The following CLRN3 variants were observed in gnomAD, a reference collection of about 807,000 sequenced individuals.
The protein encoded by CLRN3 is clarin-3.
CLRN3 carries 12 observed loss-of-function variants against 16.7 expected under a neutral mutation model. The ratio of observed to expected loss-of-function variants is 0.72; its 90% CI spans 0.46 to 1.16. The LOEUF (loss-of-function observed/expected upper bound fraction) is 1.16. CLRN3 is among the 50% of genes most tolerant of loss of function. The pLI, the probability that CLRN3 is intolerant of heterozygous loss-of-function variation, is 0.00. For synonymous variants in CLRN3, 118 were observed against 113.0 expected, an observed-to-expected ratio of 1.04 and a Z score of -0.28; for missense variants, 296 against 274.2, an observed-to-expected ratio of 1.08 and a Z score of -0.56.
Position 127,878,383 on chromosome 10 carries a change from C to T in CLRN3, c.447G>A (p.Ala149=), listed in dbSNP as rs763771914. 1.2e-5 allele frequency: 20 copies of T among 1,613,966 alleles called. No homozygotes were observed. Among genetic ancestry groups the T allele is most frequent in the South Asian group, 6.6e-5 (6 of 91,064 alleles). Reference sequence around the variant, plus strand: ...CGGAGAGTTGGTTGGACTGCGTGTTCGCCACAAACAGTATCATGGTCACAA... The same window carrying T: ...CGGAGAGTTGGTTGGACTGCGTGTTTGCCACAAACAGTATCATGGTCACAA... The part of the protein sequence containing the change: ...FVFVTMILFV[A]NTQSNQLSEE... The change falls in exon 3 of 3, where the codon GCG becomes GCA. Residue 149 remains alanine (A), a synonymous_variant. Transcript: ENST00000368671.
intron 1 of CLRN3, among the ~76,000 whole-genome samples, chr10:127,888,789 A>T (rs2135085331): frequency 6.6e-6 from 1 of 152,292 alleles, no homozygotes; most frequent in South Asian, 2.1e-4. Context: ...ATTTAATTTC[A>T]AGCAGGCCAC....
rs761302368 is a variant in CLRN3 at position 127,878,272 on chromosome 10, G to A, written c.558C>T (p.Leu186=). The A allele has an allele frequency of 1.2e-5, 20 of 1,614,064 alleles. No individual in the cohort carries two copies. In the African/African-American group the frequency reaches 1.3e-4, roughly 11 times the overall value. ...CAGTGACTATATTTAGAAGAATGACGAGCAGTATGAGCCAGAACGAGTATC... is the reference window on the plus strand; with the variant it reads ...CAGTGACTATATTTAGAAGAATGACAAGCAGTATGAGCCAGAACGAGTATC... ...SYGYSFWLIL[L]VILLNIVTVT... is the part of the protein sequence containing the mutation. Residue 186 remains leucine (L), a synonymous_variant, in exon 3 of 3, where the codon CTC becomes CTT. Transcript: ENST00000368671.
Position 127,885,357 on chromosome 10 carries a change from G to A in CLRN3, c.230-1482C>T, listed in dbSNP as rs145167518. ...GCTGAGCCCAAATCTGCATCTCCAC[G>A]ACTTAAACCCAGGGGTCCTAATTCT... On this transcript the variant is annotated intron_variant, in intron 1 of 2. Coordinates refer to ENST00000368671, the MANE Select transcript of CLRN3 (RefSeq NM_152311.5). Among the ~76,000 whole-genome samples, 490 of 152,160 alleles carry A rather than the reference G, an allele frequency of 3.2e-3. 3 individuals carry two copies. The highest frequency in any genetic ancestry group is 7.5e-3 in the Admixed American group (114 of 15,284).
At chr10:127,885,150 C>T (rs889722626) in intron 1 of CLRN3, among the ~76,000 whole-genome samples, 8 of 152,130 alleles carry the variant, frequency 5.3e-5, no homozygotes, top group African/African-American at 1.9e-4. Context: ...GGGTGGTATT[C>T]CCTCAGCATA....
chr10:127,887,713 A>G (rs1054475667), intron 1 of CLRN3, among the ~76,000 whole-genome samples: 2 of 152,350 alleles, frequency 1.3e-5, no homozygotes, highest in South Asian at 2.1e-4. Context: ...AACTTAGACA[A>G]TACAAGCTGA....
intron 1 of CLRN3, among the ~76,000 whole-genome samples, chr10:127,891,139 C>T (rs779409026): frequency 3.3e-5 from 5 of 152,246 alleles, no homozygotes; most frequent in Non-Finnish European, 5.9e-5. Context: ...CTTCAGGGCT[C>T]TCCTTGACAA....
intron 1 of CLRN3, among the ~76,000 whole-genome samples, chr10:127,887,026 C>T (rs1845203121): frequency 6.6e-6 from 1 of 152,170 alleles, no homozygotes; most frequent in African/African-American, 2.4e-5. Flanking sequence ...TTTTTTCCAT[C>T]CCTGACCTCA....
rs1339532192 is a variant in CLRN3 at position 127,883,786 on chromosome 10, T to C, written c.319A>G (p.Ser107Gly). ...LVLSLITSLLSSGFTFYNSIS... is the reference protein window; with the variant it reads ...LVLSLITSLLGSGFTFYNSIS... ...CTGTTGTAGAAGGTAAACCCAGAGC[T>C]CAGCAGCGACGTGATCAAACTCAGG... is the stretch of plus-strand genomic sequence containing the variant. Residue 107 changes from serine to glycine, a missense_variant, in exon 2 of 3, where the codon AGC becomes GGC. Coordinates refer to ENST00000368671, the MANE Select transcript of CLRN3 (RefSeq NM_152311.5). 1 of 1,614,024 alleles carries C rather than the reference T, an allele frequency of 6.2e-7. No homozygotes were observed. The highest frequency in any genetic ancestry group is 8.5e-7 in the Non-Finnish European group (1 of 1,179,966).
At chr10:127,887,143 G>A (rs956480856) in intron 1 of CLRN3, among the ~76,000 whole-genome samples, 1 of 152,230 alleles carries the variant, frequency 6.6e-6, no homozygotes. Flanking sequence ...AATAGAGGGG[G>A]ACACCGGAGG....
At chr10:127,879,595 C>T (rs976641580) in intron 2 of CLRN3, among the ~76,000 whole-genome samples, 1 of 151,714 alleles carries the variant, frequency 6.6e-6, no homozygotes, top group Non-Finnish European at 1.5e-5. Context: ...AGGGCTTTCG[C>T]GGTTGCCTAG....
chr10:127,878,405 AC>A lies in CLRN3; in HGVS notation c.424del (p.Val142Ter), dbSNP rs1333614803. On this transcript the variant is annotated frameshift_variant, in exon 3 of 3. Transcript: ENST00000368671. LOFTEE classifies it low-confidence loss of function (END_TRUNC). ...GTTCGCCACAAACAGTATCATGGTC[AC>A]AAAAACGAAGGATGCTGAAAGGAAG... The part of the protein sequence containing the change: ...WNGLGASFVF[V>X]TMILFVANTQ... The A allele has an allele frequency of 6.2e-7, 1 of 1,613,696 alleles. No individual in the cohort carries two copies. The highest frequency in any genetic ancestry group is 1.7e-5 in the Admixed American group (1 of 60,014).
At chr10:127,880,729 C>T (rs997054148) in intron 2 of CLRN3, among the ~76,000 whole-genome samples, 3 of 152,120 alleles carry the variant, frequency 2.0e-5, no homozygotes, top group African/African-American at 7.2e-5. Context: ...GCAGAACCTG[C>T]TTCTTTCTGT....
At chr10:127,886,323 G>A (rs1039145057) in intron 1 of CLRN3, among the ~76,000 whole-genome samples, 1 of 152,230 alleles carries the variant, frequency 6.6e-6, no homozygotes, top group African/African-American at 2.4e-5. Context: ...GTTCTATGAG[G>A]AAGAAAAGTT....
intron 2 of CLRN3, among the ~76,000 whole-genome samples, chr10:127,879,594 G>A (rs1295638794): frequency 2.6e-5 from 4 of 151,980 alleles, no homozygotes; most frequent in Non-Finnish European, 4.4e-5. Context: ...TAGGGCTTTC[G>A]CGGTTGCCTA....
intron 1 of CLRN3, among the ~76,000 whole-genome samples, chr10:127,886,164 A>G (rs1845191336): frequency 6.6e-6 from 1 of 152,238 alleles, no homozygotes; most frequent in African/African-American, 2.4e-5. Flanking sequence ...TGCTGGGATT[A>G]CAGGCCACCA....
chr10:127,892,537 A>G lies in CLRN3; in HGVS notation c.229+19T>C. 1 of 1,240,704 alleles carries G rather than the reference A, an allele frequency of 8.1e-7. No individual in the cohort carries two copies. The highest frequency in any genetic ancestry group is 1.2e-6 in the Non-Finnish European group (1 of 838,830). The allele number at this position is 1,240,704 out of a possible 1,614,324, so 76.9% of individuals were successfully genotyped here. ...TAATTCAATCTCACTATATTCATTC[A>G]AATTAGTTTATCATTTACCTGCAAA... On this transcript the variant is annotated intron_variant, in intron 1 of 2. Transcript: ENST00000368671.
chr10:127,886,456 C>T (rs960015206), intron 1 of CLRN3, among the ~76,000 whole-genome samples: 7 of 152,138 alleles, frequency 4.6e-5, no homozygotes, highest in African/African-American at 1.7e-4. Flanking sequence ...TCATCCCAAG[C>T]GGTGCAGGCC....
chr10:127,878,465 T>C lies in CLRN3; in HGVS notation c.410-45A>G, dbSNP rs760105999. 5 of 1,606,312 alleles carry C rather than the reference T, an allele frequency of 3.1e-6. No individual in the cohort carries two copies. The Admixed American group carries it at 6.7e-5, about 22-fold the overall frequency. ...TCATGCATGGCATGGTGATACAGTT[T>C]TTAATGTCACTTATCTTTATGGAAC... is the stretch of plus-strand genomic sequence containing the variant. On this transcript the variant is annotated intron_variant, in intron 2 of 2. Transcript: ENST00000368671.
chr10:127,880,827 G>A (rs1335379629), intron 2 of CLRN3, among the ~76,000 whole-genome samples: 5 of 152,264 alleles, frequency 3.3e-5, no homozygotes, highest in Non-Finnish European at 4.4e-5. Context: ...CTAGGAGTTT[G>A]GAGCACTTCC....
Sources: allele counts gnomAD v4.1 joint callset (sites outside exome capture counted in the v4.1 genomes callset), GRCh38; gene constraint gnomAD v4.1.1; transcripts MANE v1.5; gene names NCBI Gene and HGNC (gene_info 2026-07-23, HGNC 2026-07-21).